AKAP8L: variants seen among roughly 807,000 people sequenced by gnomAD.
The protein encoded by AKAP8L is A-kinase anchor protein 8-like.
Under a neutral mutation model 77.5 loss-of-function variants are expected in AKAP8L, and 34 were observed. The ratio of observed to expected loss-of-function variants is 0.44; its 90% CI spans 0.33 to 0.58. AKAP8L has a LOEUF of 0.58. Among genes scored for constraint, AKAP8L ranks in the 20% least tolerant of loss-of-function variants. The pLI, the probability that AKAP8L is intolerant of heterozygous loss-of-function variation, is 0.02. For synonymous variants in AKAP8L, 342 were observed against 340.7 expected, an observed-to-expected ratio of 1.00 and a Z score of -0.04; for missense variants, 806 against 887.6, an observed-to-expected ratio of 0.91 and a Z score of 1.17.
intron 12 of AKAP8L, among the ~76,000 whole-genome samples, chr19:15,388,029 G>A (rs975083434): frequency 6.6e-6 from 1 of 152,088 alleles, no homozygotes; most frequent in Admixed American, 6.6e-5. Flanking sequence ...GGATCAGATT[G>A]GGCAGCAATC....
intron 12 of AKAP8L, among the ~76,000 whole-genome samples, chr19:15,389,931 G>A (rs1056836355): frequency 2.0e-5 from 3 of 151,740 alleles, no homozygotes; most frequent in South Asian, 4.2e-4. Flanking sequence ...GGTTAAAGCC[G>A]ACTTCTCAGC....
At chr19:15,402,178 A>G (rs1296936080) in intron 4 of AKAP8L, among the ~76,000 whole-genome samples, 1 of 152,208 alleles carries the variant, frequency 6.6e-6, no homozygotes, top group Non-Finnish European at 1.5e-5. Flanking sequence ...GCCCAGGGAC[A>G]AGAAAAAGAG....
intron 12 of AKAP8L, among the ~76,000 whole-genome samples, chr19:15,394,778 G>A (rs955178897): frequency 6.6e-6 from 1 of 152,064 alleles, no homozygotes; most frequent in Non-Finnish European, 1.5e-5. Flanking sequence ...CAGTAAAGCT[G>A]TTACCAAAGA....
At chr19:15,384,457 G>A (rs1182600971) in intron 12 of AKAP8L, among the ~76,000 whole-genome samples, 2 of 150,832 alleles carry the variant, frequency 1.3e-5, no homozygotes, top group East Asian at 2.0e-4. Context: ...CCACCACCAC[G>A]CCCAGCTAAT....
chr19:15,398,832 G>A lies in AKAP8L; in HGVS notation c.1157+470C>T. 1 of 1,013,926 alleles carries A rather than the reference G, an allele frequency of 9.9e-7. No individual in the cohort carries two copies. The highest frequency in any genetic ancestry group is 1.2e-6 in the Non-Finnish European group (1 of 846,320). The allele number at this position is 1,013,926 out of a possible 1,614,324, so 62.8% of individuals were successfully genotyped here. On this transcript the variant is annotated intron_variant, in intron 9 of 13. Coordinates refer to ENST00000397410, the MANE Select transcript of AKAP8L (RefSeq NM_014371.4). This position sits in a 1 kb window ranked among gnomAD's most constrained non-coding sequence, Gnocchi z 9.2. Reference sequence around the variant, plus strand: ...AGCCGCAGACAGGCCCGGCCTGACAGGGCCGGCGGGCAGGGCAGAAGGCAG... The same window carrying A: ...AGCCGCAGACAGGCCCGGCCTGACAAGGCCGGCGGGCAGGGCAGAAGGCAG...
intron 4 of AKAP8L, among the ~76,000 whole-genome samples, chr19:15,402,033 A>T (rs10775619): frequency 0.81 from 123,150 of 152,202 alleles, 50,223 homozygotes; most frequent in East Asian, 0.99. Flanking sequence ...GCAGCCAGTG[A>T]GGCTGATGAT....
In AKAP8L at chr19:15,397,219, G is replaced by A. The variant is rs758184128; in HGVS notation, c.1467C>T (p.Leu489=). ...VEAAHCAACD[L]FIPMQFGIIQ... ...TGATCCCAAACTGCATGGGAATGAA[G>A]AGGTCGCAGGCTGCACAATGGGCTG... The change falls in exon 12 of 14, where the codon CTC becomes CTT. Residue 489 remains leucine (L), a synonymous_variant. Transcript: ENST00000397410. This position sits in a 1 kb window ranked among gnomAD's most constrained non-coding sequence, Gnocchi z 4.7. 8.1e-6 allele frequency: 13 copies of A among 1,614,048 alleles called. No homozygotes were observed. The South Asian group carries it at 1.4e-4, about 18-fold the overall frequency.
chr19:15,406,364 A>AGG (rs1568271578), intron 2 of AKAP8L, among the ~76,000 whole-genome samples: 1 of 112,928 alleles, frequency 8.9e-6, no homozygotes, highest in East Asian at 2.4e-4. Flanking sequence ...AATTTTAAGG[A>AGG]GAGAGAGAGA....
chr19:15,415,756 G>A (rs902145676), intron 1 of AKAP8L, among the ~76,000 whole-genome samples: 1 of 151,678 alleles, frequency 6.6e-6, no homozygotes, highest in African/African-American at 2.4e-5. Context: ...TGTGGTGGCG[G>A]GCACCTGTAG....
intron 1 of AKAP8L, among the ~76,000 whole-genome samples, chr19:15,415,647 G>A (rs1248501223): frequency 6.6e-6 from 1 of 152,124 alleles, no homozygotes; most frequent in Non-Finnish European, 1.5e-5. Flanking sequence ...AGCACCTTGG[G>A]AGGCCAGGGA....
intron 12 of AKAP8L, among the ~76,000 whole-genome samples, chr19:15,388,894 C>A (rs1027139595): frequency 7.0e-6 from 1 of 142,926 alleles, no homozygotes; most frequent in Non-Finnish European, 1.5e-5. Flanking sequence ...CCAGCCTGGG[C>A]GACAGAGCTA....
At chr19:15,414,489 TTTTG>T (rs982715949) in intron 1 of AKAP8L, among the ~76,000 whole-genome samples, 8 of 152,180 alleles carry the variant, frequency 5.3e-5, no homozygotes, top group Non-Finnish European at 8.8e-5. Context: ...TTCTTTTTTT[TTTTG>T]TTTGTTTGTT....
At position 15,404,725 on chromosome 19, in the gene AKAP8L, T is replaced by C. The variant is rs569146511; in HGVS notation, c.89-683A>G. 2.6e-5 allele frequency among the ~76,000 whole-genome samples: 4 copies of C among 152,304 alleles called. No homozygotes were observed. In the South Asian group the frequency reaches 8.3e-4, roughly 32 times the overall value. ...GGTCTCTGGTGAGACCCAACAGTTG[T>C]TTCCCATTCCATGTCATCTCTGCCC... On this transcript the variant is annotated intron_variant, in intron 2 of 13. Coordinates refer to ENST00000397410, the MANE Select transcript of AKAP8L (RefSeq NM_014371.4).
intron 1 of AKAP8L, among the ~76,000 whole-genome samples, chr19:15,414,657 T>A (rs1311041465): frequency 1.3e-5 from 2 of 151,852 alleles, no homozygotes; most frequent in Non-Finnish European, 2.9e-5. Context: ...CCTGGCTAAT[T>A]TTTTGTATTT....
intron 12 of AKAP8L, among the ~76,000 whole-genome samples, chr19:15,393,342 A>G (rs1472428412): frequency 6.6e-6 from 1 of 152,132 alleles, no homozygotes; most frequent in Non-Finnish European, 1.5e-5. Flanking sequence ...GGACTTTATA[A>G]AAATTAAAAC....
At position 15,401,230 on chromosome 19, in the gene AKAP8L, A is replaced by G. The variant is rs1967890968; in HGVS notation, c.736T>C (p.Ser246Pro). ...TTGCCAAACCCGAAACCAAAGCGGG[A>G]GCCGCCCGGGAAGGCGCCCCCACCT... ...MRGGGAFPGG[S>P]RFGFGFGNGM... is the part of the protein sequence containing the mutation. Residue 246 changes from serine to proline, a missense_variant, in exon 5 of 14, where the codon TCC becomes CCC. Ser to Pro is a moderately conservative substitution (Grantham distance 74). This residue lies in a region of AKAP8L where 580 missense variants were observed against 694.1 expected (regional missense o/e 0.84). Transcript: ENST00000397410. The surrounding 1 kb of genome is among the most constrained non-coding windows in gnomAD (Gnocchi z 6.2). 1 of 1,613,162 alleles carries G rather than the reference A, an allele frequency of 6.2e-7. No homozygotes were observed. Among genetic ancestry groups the G allele is most frequent in the African/African-American group, 1.3e-5 (1 of 74,916 alleles).
At position 15,399,455 on chromosome 19, in the gene AKAP8L, A is replaced by G; in HGVS notation, c.1049-45T>C. ...CTGTCACCAATTTGGCTCTGCCAGG[A>G]CAGGGCAGGCCCTGCGGCCTCTGGC... is the stretch of plus-strand genomic sequence containing the variant. On this transcript the variant is annotated intron_variant, in intron 8 of 13. Coordinates refer to ENST00000397410, the MANE Select transcript of AKAP8L (RefSeq NM_014371.4). This position sits in a 1 kb window ranked among gnomAD's most constrained non-coding sequence, Gnocchi z 6.1. 2.1e-6 allele frequency: 3 copies of G among 1,458,578 alleles called. No individual in the cohort carries two copies. The highest frequency in any genetic ancestry group is 2.9e-6 in the Non-Finnish European group (3 of 1,039,168). The allele number at this position is 1,458,578 out of a possible 1,614,324, so 90.4% of individuals were successfully genotyped here.
In AKAP8L at chr19:15,380,583, G is replaced by A. The variant is rs1967387336; in HGVS notation, c.1566C>T (p.Ser522=). 3.7e-6 allele frequency: 6 copies of A among 1,613,704 alleles called. No individual in the cohort carries two copies. Among genetic ancestry groups the A allele is most frequent in the Non-Finnish European group, 5.1e-6 (6 of 1,179,882 alleles). ...TGAGAATACTGCGGGCCACCATGAGGGAGGACTTCTTGGACTGCTCCATCA... is the reference window on the plus strand; with the variant it reads ...TGAGAATACTGCGGGCCACCATGAGAGAGGACTTCTTGGACTGCTCCATCA... The part of the protein sequence containing the change: ...RLMMEQSKKS[S]LMVARSILNN... Residue 522 remains serine, a synonymous_variant, in exon 13 of 14, where the codon TCC becomes TCT. Coordinates refer to ENST00000397410, the MANE Select transcript of AKAP8L (RefSeq NM_014371.4).
chr19:15,400,288 A>T lies in AKAP8L; in HGVS notation c.1048+7T>A. On this transcript the variant is annotated splice_region_variant and intron_variant, in intron 8 of 13. Coordinates refer to ENST00000397410, the MANE Select transcript of AKAP8L (RefSeq NM_014371.4). ...GCCCTAGCACCAGGCACCCCAGGAA[A>T]ACTCACCCTTCTCTGGATCCTCTTT... is the stretch of plus-strand genomic sequence containing the variant. The T allele has an allele frequency of 6.4e-7, 1 of 1,566,788 alleles. No homozygotes were observed. The highest frequency in any genetic ancestry group is 8.8e-7 in the Non-Finnish European group (1 of 1,137,102).
Sources: allele counts gnomAD v4.1 joint callset (sites outside exome capture counted in the v4.1 genomes callset), GRCh38; gene constraint gnomAD v4.1.1; regional missense constraint gnomAD v4.1.1; non-coding constraint Gnocchi (gnomAD v3.1); transcripts MANE v1.5; gene names NCBI Gene and HGNC (gene_info 2026-07-23, HGNC 2026-07-21).